The following SLC4A7 variants were observed in gnomAD, a reference collection of about 807,000 sequenced individuals.
The protein encoded by SLC4A7 is sodium bicarbonate cotransporter 3.
Under a neutral mutation model 137.6 loss-of-function variants are expected in SLC4A7, and 51 were observed. The observed-to-expected ratio is 0.37, with a 90% CI of 0.30 to 0.47. The LOEUF is 0.47. Among genes scored for constraint, SLC4A7 ranks in the 20% least tolerant of loss-of-function variants. SLC4A7 has a pLI of 1.00. For synonymous variants in SLC4A7, 542 were observed against 518.6 expected, an observed-to-expected ratio of 1.05 and a Z score of -0.61; for missense variants, 1,247 against 1,525.4, an observed-to-expected ratio of 0.82 and a Z score of 3.04.
At chr3:27,426,358 G>A (rs2055618132) in intron 7 of SLC4A7, among the ~76,000 whole-genome samples, 1 of 152,172 alleles carries the variant, frequency 6.6e-6, no homozygotes, top group Admixed American at 6.5e-5. Flanking sequence ...TTCCAGAAGA[G>A]TCCCTTCCTT....
chr3:27,450,738 T>A (rs2150543591), intron 2 of SLC4A7, among the ~76,000 whole-genome samples: 1 of 152,242 alleles, frequency 6.6e-6, no homozygotes, highest in East Asian at 1.9e-4. Flanking sequence ...TGTTTTCTTC[T>A]TTTACTATTG....
chr3:27,418,077 A>G (rs2054568911), intron 11 of SLC4A7, among the ~76,000 whole-genome samples: 1 of 152,222 alleles, frequency 6.6e-6, no homozygotes, highest in African/African-American at 2.4e-5. Flanking sequence ...AAGACTGGTA[A>G]CATCAGAACC....
Position 27,389,914 on chromosome 3 carries a change from G to A in SLC4A7, c.3360+17C>T, listed in dbSNP as rs2051359247. The A allele has an allele frequency of 1.3e-6, 2 of 1,595,852 alleles. No homozygotes were observed. The highest frequency in any genetic ancestry group is 4.5e-5 in the East Asian group (2 of 44,598). On this transcript the variant is annotated intron_variant, in intron 22 of 25. Coordinates refer to ENST00000454389, the MANE Select transcript of SLC4A7 (RefSeq NM_001321103.2). ...ATATTATTAATTAGTGACAAAATAAGTCTGAAGAAATCTTACCATCATGGG... is the reference window on the plus strand; with the variant it reads ...ATATTATTAATTAGTGACAAAATAAATCTGAAGAAATCTTACCATCATGGG...
chr3:27,466,058 T>G (rs929777103), intron 1 of SLC4A7, among the ~76,000 whole-genome samples: 2 of 151,970 alleles, frequency 1.3e-5, no homozygotes. Context: ...GATGGGAAAT[T>G]ACTTTTTCTG....
intron 13 of SLC4A7, among the ~76,000 whole-genome samples, chr3:27,408,174 G>A (rs1476469873): frequency 6.6e-6 from 1 of 152,156 alleles, no homozygotes; most frequent in South Asian, 2.1e-4. Flanking sequence ...GAGGACAGGA[G>A]ATACTGGCTC....
intron 21 of SLC4A7, 78 bp downstream of exon 21, chr3:27,391,662 C>T: frequency 2.4e-6 from 2 of 827,082 alleles, no homozygotes; most frequent in Non-Finnish European, 3.9e-6. Context: ...GAATAAATCA[C>T]TACCATCATT....
At chr3:27,455,801 G>A (rs1357227623) in intron 1 of SLC4A7, among the ~76,000 whole-genome samples, 1 of 151,818 alleles carries the variant, frequency 6.6e-6, no homozygotes, top group Non-Finnish European at 1.5e-5. Flanking sequence ...AGGTTGCAGT[G>A]AGCGCATAGA....
At chr3:27,450,770 ATCTTTT>A (rs1485802021) in intron 2 of SLC4A7, among the ~76,000 whole-genome samples, 1 of 151,982 alleles carries the variant, frequency 6.6e-6, no homozygotes, top group African/African-American at 2.4e-5. Flanking sequence ...CTCTGTTTTA[ATCTTTT>A]TCTTTTTCTT....
At chr3:27,437,597 G>A (rs1160770055) in intron 3 of SLC4A7, 71 bp from the exon 4 acceptor site, 1 of 1,014,198 alleles carries the variant, frequency 9.9e-7, no homozygotes, top group Non-Finnish European at 1.4e-6. Flanking sequence ...TCACAGTTTT[G>A]AAAATGAAAC....
chr3:27,470,177 T>C (rs1402050579), intron 1 of SLC4A7, among the ~76,000 whole-genome samples: 1 of 152,202 alleles, frequency 6.6e-6, no homozygotes, highest in African/African-American at 2.4e-5. Context: ...ATATTTCAAG[T>C]TATTTCTGAG....
chr3:27,431,118 C>A (rs1455930475), intron 7 of SLC4A7, among the ~76,000 whole-genome samples, 180 bp downstream of exon 7: 1 of 151,898 alleles, frequency 6.6e-6, no homozygotes, highest in African/African-American at 2.4e-5. Flanking sequence ...CGGCGAAAAC[C>A]GCAATTACTT....
At chr3:27,418,258 G>T (rs1339941337) in intron 11 of SLC4A7, among the ~76,000 whole-genome samples, 1 of 152,094 alleles carries the variant, frequency 6.6e-6, no homozygotes, top group Admixed American at 6.5e-5. Flanking sequence ...TTTGGTGACA[G>T]AAACAAGACT....
intron 14 of SLC4A7, among the ~76,000 whole-genome samples, chr3:27,404,587 A>C (rs1188005317): frequency 1.3e-5 from 2 of 152,204 alleles, no homozygotes; most frequent in East Asian, 3.8e-4. Flanking sequence ...CCCTCAAGTG[A>C]TCTGCTTATC....
rs772006622 is a variant in SLC4A7 at position 27,394,556 on chromosome 3, G to A, written c.3079C>T (p.Leu1027=). 6.2e-7 allele frequency: 1 copy of A among 1,613,958 alleles called. No individual in the cohort carries two copies. The highest frequency in any genetic ancestry group is 1.1e-5 in the South Asian group (1 of 91,068). ...GTCATGAACACAGAGAGGCCCATTAGAATAAAAATCATTAGCCCTGTAACC... is the reference window on the plus strand; with the variant it reads ...GTCATGAACACAGAGAGGCCCATTAAAATAAAAATCATTAGCCCTGTAACC... ...QRVTGLMIFI[L]MGLSVFMTSV... The change falls in exon 20 of 26, where the codon CTA becomes TTA. Residue 1027 remains leucine (L), a synonymous_variant. Transcript: ENST00000454389.
At chr3:27,394,068 G>C (rs532126899) in intron 20 of SLC4A7, among the ~76,000 whole-genome samples, 1 of 152,112 alleles carries the variant, frequency 6.6e-6, no homozygotes, top group East Asian at 1.9e-4. Flanking sequence ...ACCCAGGTTG[G>C]AGTGCAGTGG....
At chr3:27,386,126 T>C (rs1053652822) in intron 22 of SLC4A7, 103 bp from the exon 23 acceptor site, 3 of 879,542 alleles carry the variant, frequency 3.4e-6, no homozygotes, top group Non-Finnish European at 1.7e-6. Context: ...ATGCTTCATA[T>C]AGTTTAAAAA....
At chr3:27,477,432 T>C (rs556435494) in intron 1 of SLC4A7, among the ~76,000 whole-genome samples, 61 of 152,296 alleles carry the variant, frequency 4.0e-4, no homozygotes, top group Non-Finnish European at 7.4e-4. Flanking sequence ...GGCCCTACCA[T>C]TGGAGGCTAA....
At chr3:27,431,846 G>T (rs956689814) in intron 6 of SLC4A7, among the ~76,000 whole-genome samples, 177 bp from the exon 7 acceptor site, 3 of 152,104 alleles carry the variant, frequency 2.0e-5, no homozygotes, top group African/African-American at 7.2e-5. Flanking sequence ...TCACTAAAAA[G>T]TTGGTTAAAA....
At chr3:27,420,813 T>C (rs879816840) in intron 9 of SLC4A7, 26 bp from the exon 10 acceptor site, 3 of 1,511,640 alleles carry the variant, frequency 2.0e-6, no homozygotes, top group Non-Finnish European at 1.8e-6. Context: ...AATACAGATT[T>C]TAAAATAAAC....
Sources: allele counts gnomAD v4.1 joint callset (sites outside exome capture counted in the v4.1 genomes callset), GRCh38; gene constraint gnomAD v4.1.1; transcripts MANE v1.5; gene names NCBI Gene and HGNC (gene_info 2026-07-23, HGNC 2026-07-21).